Variants in DBN1 observed in about 807,000 individuals in gnomAD.
DBN1 encodes drebrin.
In DBN1, 21 loss-of-function variants were observed where a neutral mutation model predicts 83.5. The observed-to-expected ratio is 0.25, with a 90% confidence interval of 0.18 to 0.36. The LOEUF (loss-of-function observed/expected upper bound fraction) is 0.36. Among genes scored for constraint, DBN1 ranks in the 10% least tolerant of loss-of-function variants. The probability of loss-of-function intolerance (pLI) is 1.00; values close to 1 mark genes in which losing one functional copy is unlikely to be tolerated. For missense variants in DBN1, 874 were observed against 935.7 expected, an observed-to-expected ratio of 0.93 and a Z score of 0.86; for synonymous variants, 381 against 384.9, an observed-to-expected ratio of 0.99 and a Z score of 0.12.
At chr5:177,473,288 A>G (rs1757982952) in intron 1 of DBN1, 148 bp downstream of exon 1, 1 of 390,350 alleles carries the variant, frequency 2.6e-6, no homozygotes, top group Non-Finnish European at 4.3e-6. Context: ...GGCGCGCACA[A>G]AGGCAGCCCC....
Position 177,473,424 on chromosome 5 carries a change from C to CG in DBN1, c.86+11dup. ...GGGACAAAGGGGCCGGGGGCGGGGG[C>CG]GGGGGGCTCACCAGTCGGCCGCGCT... On this transcript the variant is annotated intron_variant, in intron 1 of 14. Coordinates refer to ENST00000393565, the MANE Select transcript of DBN1 (RefSeq NM_001363541.2). The CG allele has an allele frequency of 3.7e-6, 5 of 1,335,454 alleles. No homozygotes were observed. The highest frequency in any genetic ancestry group is 2.5e-5 in the Admixed American group (1 of 40,026). The allele number at this position is 1,335,454 out of a possible 1,614,324, so 82.7% of individuals were successfully genotyped here.
intron 8 of DBN1, among the ~76,000 whole-genome samples, chr5:177,462,658 G>C (rs1757134572): frequency 6.6e-6 from 1 of 152,206 alleles, no homozygotes; most frequent in East Asian, 1.9e-4. Flanking sequence ...TGCTGCTCAG[G>C]TGGCAGCTTG....
In DBN1 at chr5:177,467,878, G is replaced by T; in HGVS notation, c.256-61C>A. On this transcript the variant is annotated intron_variant, in intron 3 of 14. Transcript: ENST00000393565. This position sits in a 1 kb window ranked among gnomAD's most constrained non-coding sequence, Gnocchi z 9.1. ...GACAAGGGGGGCCCTACACGATAGG[G>T]TGCATCTTCCCCGGGGTGGGAAGAG... 6.3e-7 allele frequency: 1 copy of T among 1,575,144 alleles called. No homozygotes were observed. The highest frequency in any genetic ancestry group is 8.7e-7 in the Non-Finnish European group (1 of 1,151,652).
intron 14 of DBN1, 66 bp downstream of exon 14, chr5:177,457,576 GGTAGTGGTGGGGT>G (rs1173364129): frequency 6.5e-7 from 1 of 1,547,838 alleles, no homozygotes; most frequent in Non-Finnish European, 8.9e-7. Flanking sequence ...GTGAGCGGTG[GGTAGTGGTGGGGT>G]GGCTACCCAC....
chr5:177,472,676 T>A (rs915311954), intron 1 of DBN1: 1 of 600,906 alleles, frequency 1.7e-6, no homozygotes, highest in African/African-American at 2.1e-5. Context: ...CCAGAGGGCT[T>A]CCTCCCAGGG....
Position 177,460,440 on chromosome 5 carries a change from T to C in DBN1, c.947A>G (p.His316Arg), listed in dbSNP as rs983243757. The change falls in exon 10 of 15, where the codon CAT (histidine) becomes CGT (arginine). Residue 316 changes from histidine to arginine, a missense_variant. Physicochemically the swap from His to Arg is conservative, Grantham distance 29. Around this residue, in one of 4 missense-constraint regions of DBN1, gnomAD observed 725 missense variants for 719.7 expected, o/e 1.01. Coordinates refer to ENST00000393565, the MANE Select transcript of DBN1 (RefSeq NM_001363541.2). ...GTGGGGCCTAGGACTACCTGGTCGA[T>C]GGTTGAAGGGCGAGGGTACATCACA... ...GSCDVPSPFN[H>R]RPGRPYCPFI... 3 of 1,613,646 alleles carry C rather than the reference T, an allele frequency of 1.9e-6. No individual in the cohort carries two copies. The highest frequency in any genetic ancestry group is 2.2e-5 in the South Asian group (2 of 91,074).
intron 1 of DBN1, among the ~76,000 whole-genome samples, chr5:177,470,238 A>G (rs1391843316): frequency 1.3e-5 from 2 of 152,108 alleles, no homozygotes; most frequent in East Asian, 3.9e-4. Context: ...CAGCTGGCCC[A>G]CCACCTGTCC....
At chr5:177,459,766 G>C in intron 10 of DBN1, 26 bp from the exon 11 acceptor site, 1 of 1,460,458 alleles carries the variant, frequency 6.8e-7, no homozygotes, top group Non-Finnish European at 9.1e-7. Context: ...GACAGAGAAA[G>C]AGACAGAGGA....
chr5:177,473,247 G>A (rs1483506350), intron 1 of DBN1, 189 bp downstream of exon 1: 1 of 256,150 alleles, frequency 3.9e-6, no homozygotes, highest in Non-Finnish European at 7.2e-6. Flanking sequence ...GGGCCCGGCA[G>A]TGCCCCGCCT....
chr5:177,459,485 C>G lies in DBN1; in HGVS notation c.1093+118G>C. 2.2e-6 allele frequency: 3 copies of G among 1,344,460 alleles called. No homozygotes were observed. In the East Asian group the frequency reaches 8.3e-5, roughly 37 times the overall value. 83.3% of individuals were successfully genotyped at this position (1,344,460 alleles called of 1,614,324 possible). On this transcript the variant is annotated intron_variant, in intron 11 of 14. Transcript: ENST00000393565. ...GGCCAGGGGCAAGAGGCAGGCAGTG[C>G]CTGCCCTGGGGGCAAACACCAGAGA...
chr5:177,468,576 C>G (rs1757631108), intron 2 of DBN1: 1 of 437,704 alleles, frequency 2.3e-6, no homozygotes, highest in South Asian at 7.0e-5. Context: ...GGGCCCTTCC[C>G]CCAAAGTGTC....
rs59430269 is a variant in DBN1 at position 177,456,692 on chromosome 5, A to AAC, written c.*740_*741insGT. Reference sequence around the variant, plus strand: ...GCTTTCCAAAAAAAAAAAAAAAAAAAAAAAAAAAACAGTTACTAAACGTGA... The same window carrying AAC: ...GCTTTCCAAAAAAAAAAAAAAAAAAAACAAAAAAAAACAGTTACTAAACGTGA... On this transcript the variant is annotated 3_prime_UTR_variant, in exon 15 of 15. Coordinates refer to ENST00000393565, the MANE Select transcript of DBN1 (RefSeq NM_001363541.2). 2,097 of 148,182 alleles carry AAC rather than the reference A, an allele frequency of 0.014. 98 individuals carry two copies. Among genetic ancestry groups the AAC allele is most frequent in the African/African-American group, 0.052 (2,000 of 38,114 alleles). 9.2% of individuals were successfully genotyped at this position (148,182 alleles called of 1,614,324 possible).
In DBN1 at chr5:177,467,937, C is replaced by T. The variant is rs565287245; in HGVS notation, c.256-120G>A. ...TCCCTCTCCACGGGTGTCAGAGGGC[C>T]GACGGGGAGGGCGACTGCTCTGGGC... On this transcript the variant is annotated intron_variant, in intron 3 of 14. Coordinates refer to ENST00000393565, the MANE Select transcript of DBN1 (RefSeq NM_001363541.2). This position sits in a 1 kb window ranked among gnomAD's most constrained non-coding sequence, Gnocchi z 9.1. 3.7e-5 allele frequency: 52 copies of T among 1,399,330 alleles called. No individual in the cohort carries two copies. The highest frequency in any genetic ancestry group is 2.8e-4 in the African/African-American group (20 of 70,556). 86.7% of individuals were successfully genotyped at this position (1,399,330 alleles called of 1,614,324 possible).
intron 2 of DBN1, 96 bp downstream of exon 2, chr5:177,468,748 C>T: frequency 2.7e-6 from 2 of 746,380 alleles, no homozygotes; most frequent in Non-Finnish European, 4.0e-6. Context: ...CTGCAGGGTG[C>T]AGGCAGGGAG....
At chr5:177,462,639 G>A (rs930821776) in intron 8 of DBN1, among the ~76,000 whole-genome samples, 3 of 152,168 alleles carry the variant, frequency 2.0e-5, no homozygotes, top group Non-Finnish European at 4.4e-5. Flanking sequence ...CTTCTTAGTC[G>A]GTGTCCCCTG....
chr5:177,468,673 C>T (rs1186635292), intron 2 of DBN1, 171 bp downstream of exon 2: 2 of 448,738 alleles, frequency 4.5e-6, no homozygotes, highest in Non-Finnish European at 7.9e-6. Flanking sequence ...TGAGATTCCT[C>T]CCCACCCTGG....
Position 177,459,734 on chromosome 5 carries a change from G to A in DBN1, c.962C>T (p.Pro321Leu), listed in dbSNP as rs866951037. ...PSPFNHRPGR[P>L]YCPFIKASDS... ...CGATGCCTTTATGAAAGGGCAGTAC[G>A]GACGACCTGCCGAGAGAGACAGACA... Residue 321 changes from proline to leucine, a missense_variant, in exon 11 of 15, where the codon CCG becomes CTG. This residue lies in a region of DBN1 where 725 missense variants were observed against 719.7 expected (regional missense o/e 1.01). Coordinates refer to ENST00000393565, the MANE Select transcript of DBN1 (RefSeq NM_001363541.2). 9 of 1,517,142 alleles carry A rather than the reference G, an allele frequency of 5.9e-6. No homozygotes were observed. Among genetic ancestry groups the A allele is most frequent in the Non-Finnish European group, 4.4e-6 (5 of 1,131,374 alleles). The allele number at this position is 1,517,142 out of a possible 1,614,324, so 94.0% of individuals were successfully genotyped here.
intron 8 of DBN1, chr5:177,462,536 TGTGAGCAACGCA>T (rs764002760): frequency 2.6e-6 from 1 of 378,534 alleles, no homozygotes; most frequent in Non-Finnish European, 3.6e-6. Flanking sequence ...CCCCCTCCGC[TGTGAGCAACGCA>T]GGATGAGGAC....
chr5:177,469,688 C>T (rs201063909), intron 1 of DBN1, among the ~76,000 whole-genome samples: 1 of 152,202 alleles, frequency 6.6e-6, no homozygotes, highest in Non-Finnish European at 1.5e-5. Context: ...TCCTCCCTAG[C>T]TTTGTGTGCC....
Sources: gnomAD v4.1 joint callset for allele counts (sites outside exome capture counted in the v4.1 genomes callset) on GRCh38, gnomAD v4.1.1 for gene constraint, gnomAD v4.1.1 regional missense constraint, Gnocchi (gnomAD v3.1) non-coding constraint, MANE v1.5 for transcripts, NCBI Gene and HGNC (gene_info 2026-07-23, HGNC 2026-07-21) for gene names.